The following GABRB3 variants were observed in gnomAD, a reference collection of about 807,000 sequenced individuals.
GABRB3 encodes the protein gamma-aminobutyric acid type A receptor subunit beta3, also known as gamma-aminobutyric acid receptor subunit beta-3.
GABRB3 carries 14 observed loss-of-function variants against 52.1 expected under a neutral mutation model. That is an observed-to-expected ratio of 0.27 (90% confidence interval 0.18 to 0.42). GABRB3 has a LOEUF of 0.42. Among genes scored for constraint, GABRB3 ranks in the 10% least tolerant of loss-of-function variants. The pLI is 1.00. For missense variants in GABRB3, 307 were observed against 609.1 expected (o/e 0.50, Z 5.22); for synonymous variants, 260 against 232.3 (o/e 1.12, Z -1.08).
At chr15:26,640,422 C>A (rs1893169400) in intron 3 of GABRB3, among the ~76,000 whole-genome samples, 1 of 151,998 alleles carries the variant, frequency 6.6e-6, no homozygotes, top group Non-Finnish European at 1.5e-5. Flanking sequence ...GAGGCTGAGG[C>A]AGGAGAATGG....
chr15:26,559,480 C>T (rs1889898555), intron 8 of GABRB3, among the ~76,000 whole-genome samples: 1 of 150,058 alleles, frequency 6.7e-6, no homozygotes, highest in Admixed American at 6.7e-5. Context: ...AGAACAATGG[C>T]CTAACAGTAA....
At chr15:26,734,009 C>A (rs1477022852) in intron 3 of GABRB3, among the ~76,000 whole-genome samples, 2 of 148,496 alleles carry the variant, frequency 1.3e-5, no homozygotes, top group African/African-American at 5.0e-5. Flanking sequence ...AATGTAAGCC[C>A]TAAAACTATA....
chr15:26,548,485 A>T (rs1889342194), intron 8 of GABRB3, among the ~76,000 whole-genome samples: 1 of 152,178 alleles, frequency 6.6e-6, no homozygotes, highest in Non-Finnish European at 1.5e-5. Context: ...CATTTTCACA[A>T]CTATACTTTG....
intron 3 of GABRB3, among the ~76,000 whole-genome samples, chr15:26,645,901 C>A (rs533772944): frequency 6.6e-6 from 1 of 151,770 alleles, no homozygotes; most frequent in Non-Finnish European, 1.5e-5. Context: ...CTTTGTAGAC[C>A]GCCTGATGGA....
intron 4 of GABRB3, among the ~76,000 whole-genome samples, chr15:26,600,468 A>G (rs1485503311): frequency 6.6e-6 from 1 of 152,206 alleles, no homozygotes; most frequent in Non-Finnish European, 1.5e-5. Context: ...AAAGAAAAAG[A>G]AGAAAAGCAT....
At chr15:26,772,634 C>G (rs1394566410) in intron 2 of GABRB3, 47 bp downstream of exon 2, 4 of 1,500,276 alleles carry the variant, frequency 2.7e-6, no homozygotes, top group Non-Finnish European at 3.6e-6. Flanking sequence ...CAGGCCGCCG[C>G]CGCCGTGGGT....
rs1291797479 is a variant in GABRB3 at position 26,546,063 on chromosome 15, C to T, written c.*1730G>A. ...GGGAGGGTGGTGCCTCTACCTACAT[C>T]GAGACAACTGGGGCCTACCATTGGA... On this transcript the variant is annotated 3_prime_UTR_variant, in exon 9 of 9. Coordinates refer to ENST00000311550, the MANE Select transcript of GABRB3 (RefSeq NM_000814.6). The T allele has an allele frequency of 4.6e-5, 7 of 152,550 alleles. No individual in the cohort carries two copies. The East Asian group carries it at 1.2e-3, about 25-fold the overall frequency. 9.4% of individuals were successfully genotyped at this position (152,550 alleles called of 1,614,324 possible). A position where few individuals can be genotyped will look rare whatever the true frequency, so the allele number is the denominator to read the frequency against.
intron 3 of GABRB3, among the ~76,000 whole-genome samples, chr15:26,700,950 G>C (rs1427946868): frequency 6.6e-6 from 1 of 152,100 alleles, no homozygotes; most frequent in Non-Finnish European, 1.5e-5. Context: ...AGCTACTTGG[G>C]AGGCTGAGGC....
At chr15:26,671,519 C>T (rs968579949) in intron 3 of GABRB3, among the ~76,000 whole-genome samples, 1 of 152,088 alleles carries the variant, frequency 6.6e-6, no homozygotes, top group Non-Finnish European at 1.5e-5. Context: ...GAGGGCTTCC[C>T]GTTTCGAGAG....
chr15:26,576,408 A>G (rs1197485020), intron 6 of GABRB3, among the ~76,000 whole-genome samples: 1 of 152,204 alleles, frequency 6.6e-6, no homozygotes, highest in East Asian at 1.9e-4. Flanking sequence ...ACGCTCATGT[A>G]TTAGTAGTGC....
At chr15:26,708,732 T>C (rs1889189324) in intron 3 of GABRB3, among the ~76,000 whole-genome samples, 2 of 152,206 alleles carry the variant, frequency 1.3e-5, no homozygotes, top group South Asian at 4.1e-4. Flanking sequence ...TTGTCTGTGA[T>C]TGCTAGCCAA....
chr15:26,547,773 G>T lies in GABRB3; in HGVS notation c.*20C>A. 1 of 1,601,228 alleles carries T rather than the reference G, an allele frequency of 6.2e-7. No homozygotes were observed. Among genetic ancestry groups the T allele is most frequent in the South Asian group, 1.1e-5 (1 of 90,710 alleles). On this transcript the variant is annotated 3_prime_UTR_variant, in exon 9 of 9. Transcript: ENST00000311550. ...TCACTCAGTGTTAAATGAAGTCTTTGAAAAATCAAGTACAGTCACTCAGTT... is the reference window on the plus strand; with the variant it reads ...TCACTCAGTGTTAAATGAAGTCTTTTAAAAATCAAGTACAGTCACTCAGTT...
chr15:26,708,878 T>C (rs1337531080), intron 3 of GABRB3, among the ~76,000 whole-genome samples: 1 of 152,322 alleles, frequency 6.6e-6, no homozygotes, highest in South Asian at 2.1e-4. Context: ...AGGACCTTTA[T>C]GCGGGCTGTT....
At position 26,772,478 on chromosome 15, in the gene GABRB3, A is replaced by G. The variant is rs761754263; in HGVS notation, c.173-9T>C. 9 of 1,609,598 alleles carry G rather than the reference A, an allele frequency of 5.6e-6. No individual in the cohort carries two copies. The highest frequency in any genetic ancestry group is 1.3e-5 in the African/African-American group (1 of 74,802). On this transcript the variant is annotated splice_polypyrimidine_tract_variant and intron_variant, in intron 2 of 8. Transcript: ENST00000311550. ...CACGCAGACCGGGGGACCTGCGGGA[A>G]GCACAGGACACGGCGATCAGCCCAG...
chr15:26,747,002 A>G, intron 3 of GABRB3, among the ~76,000 whole-genome samples: 1 of 140,780 alleles, frequency 7.1e-6, no homozygotes, highest in African/African-American at 2.6e-5. Flanking sequence ...AAATAAACAA[A>G]CAAACAAACA....
chr15:26,730,942 CA>C lies in GABRB3; in HGVS notation c.240+41459del, dbSNP rs573356087. Among the ~76,000 whole-genome samples the C allele has an allele frequency of 1.3e-3, 202 of 152,290 alleles. 1 individual carries two copies. The Middle Eastern group carries it at 0.027, about 21-fold the overall frequency. On this transcript the variant is annotated intron_variant, in intron 3 of 8. Coordinates refer to ENST00000311550, the MANE Select transcript of GABRB3 (RefSeq NM_000814.6). Reference sequence around the variant, plus strand: ...ATAGAAGCTAACAGATTACTTTTATCAAGCAATAATGAATATAATTTGGGTT... The same window carrying C: ...ATAGAAGCTAACAGATTACTTTTATCAGCAATAATGAATATAATTTGGGTT...
At chr15:26,732,135 TGGATGGATGGATGGAA>T (rs1595556691) in intron 3 of GABRB3, among the ~76,000 whole-genome samples, 1 of 149,976 alleles carries the variant, frequency 6.7e-6, no homozygotes, top group Non-Finnish European at 1.5e-5. Flanking sequence ...GATGGACAGA[TGGATGGATGGATGGAA>T]GGATGGATGG....
rs1889141647 is a variant in GABRB3, at chr15:26,544,294, A to G, written c.*3499T>C. On this transcript the variant is annotated 3_prime_UTR_variant, in exon 9 of 9. Coordinates refer to ENST00000311550, the MANE Select transcript of GABRB3 (RefSeq NM_000814.6). ...CTAGATGCTGAAAATGAACACCTAC[A>G]ACTGCAATGTGCCTGTCCCCTTAAA... The G allele has an allele frequency of 6.6e-6, 1 of 152,580 alleles. No homozygotes were observed. Among genetic ancestry groups the G allele is most frequent in the African/African-American group, 2.4e-5 (1 of 41,434 alleles). The allele number at this position is 152,580 out of a possible 1,614,324, so 9.5% of individuals were successfully genotyped here.
At chr15:26,766,854 C>A (rs192185987) in intron 3 of GABRB3, among the ~76,000 whole-genome samples, 4 of 152,258 alleles carry the variant, frequency 2.6e-5, no homozygotes. Flanking sequence ...AGCAAGAGGC[C>A]ATCCACAACA....
Sources: allele counts gnomAD v4.1 joint callset (sites outside exome capture counted in the v4.1 genomes callset), GRCh38; gene constraint gnomAD v4.1.1; transcripts MANE v1.5; gene names NCBI Gene and HGNC (gene_info 2026-07-23, HGNC 2026-07-21).